The following ITPR3 variants were observed in gnomAD, a reference collection of about 807,000 sequenced individuals.
The protein encoded by ITPR3 is inositol 1,4,5-trisphosphate-gated calcium channel ITPR3.
In ITPR3, 173 loss-of-function variants were observed where a neutral mutation model predicts 293.2. The observed-to-expected ratio is 0.59, with a 90% CI of 0.52 to 0.67. The LOEUF (loss-of-function observed/expected upper bound fraction) is 0.67, where lower values mean the gene tolerates loss of function less well. Among genes scored for constraint, ITPR3 ranks in the 30% least tolerant of loss-of-function variants. ITPR3 has a pLI of 0.00. For synonymous variants in ITPR3, 1,295 were observed against 1,444.4 expected (o/e 0.90, Z 2.35); for missense variants, 2,796 against 3,592.1 (o/e 0.78, Z 5.66).
chr6:33,656,824 C>T (rs1275134448), intron 3 of ITPR3, among the ~76,000 whole-genome samples: 1 of 152,232 alleles, frequency 6.6e-6, no homozygotes, highest in Non-Finnish European at 1.5e-5. Flanking sequence ...TCCTCTAAGC[C>T]CCACGCCTAG....
intron 2 of ITPR3, among the ~76,000 whole-genome samples, chr6:33,642,684 C>A (rs375523811): frequency 6.6e-6 from 1 of 152,180 alleles, no homozygotes; most frequent in African/African-American, 2.4e-5. Flanking sequence ...CCTCCTCCCC[C>A]AGGCCCCTCA....
At position 33,664,396 on chromosome 6, in the gene ITPR3, C is replaced by G. The variant is rs1764556584; in HGVS notation, c.1149-474C>G. On this transcript the variant is annotated intron_variant, in intron 11 of 57. Transcript: ENST00000605930. This position sits in a 1 kb window ranked among gnomAD's most constrained non-coding sequence, Gnocchi z 4.4. ...TTGAGTCACTACATAGGCCCACAGT[C>G]CCTTCCCTGAAACTCTTGGGGGTAG... is the stretch of plus-strand genomic sequence containing the variant. Among the ~76,000 whole-genome samples the G allele has an allele frequency of 6.6e-6, 1 of 152,150 alleles. No individual in the cohort carries two copies. The highest frequency in any genetic ancestry group is 2.4e-5 in the African/African-American group (1 of 41,432).
At chr6:33,680,302 G>C in intron 31 of ITPR3, 27 bp from the exon 32 acceptor site, 1 of 1,603,054 alleles carries the variant, frequency 6.2e-7, no homozygotes, top group Non-Finnish European at 8.5e-7. Context: ...CCCTGCTTGC[G>C]CCCCTGACCT....
chr6:33,691,776 G>GC lies in ITPR3; in HGVS notation c.7331-23dup. 1 of 1,613,772 alleles carries GC rather than the reference G, an allele frequency of 6.2e-7. No homozygotes were observed. Among genetic ancestry groups the GC allele is most frequent in the Non-Finnish European group, 8.5e-7 (1 of 1,179,886 alleles). The stretch of plus-strand genomic sequence containing the variant: ...GGGGTAGGAGGAGCAGGCAGCCCGG[G>GC]CCTCAGCACACTCTCCGCTTGCAGA... On this transcript the variant is annotated intron_variant, in intron 53 of 57. Transcript: ENST00000605930. The surrounding 1 kb of genome is among the most constrained non-coding windows in gnomAD (Gnocchi z 4.9).
Position 33,671,172 on chromosome 6 carries a change from G to T in ITPR3, c.2594G>T (p.Ser865Ile), listed in dbSNP as rs199987334. ...EKNKLTFEVV[S>I]LAHNLIYFGF... ...GCCACGCCCCCTTCGCAGGTGGTCA[G>T]CCTGGCGCACAATCTCATCTACTTC... Residue 865 changes from serine to isoleucine, a missense_variant, in exon 21 of 58, where the codon AGC becomes ATC. By Grantham distance (142) the Ser-to-Ile change is moderately radical. This residue lies in a region of ITPR3 where 955 missense variants were observed against 1,180.8 expected (regional missense o/e 0.81). Transcript: ENST00000605930. The T allele has an allele frequency of 2.1e-4, 331 of 1,613,444 alleles. No individual in the cohort carries two copies. The highest frequency in any genetic ancestry group is 2.8e-4 in the Admixed American group (17 of 60,008).
intron 17 of ITPR3, 46 bp downstream of exon 17, chr6:33,668,680 C>T (rs11963267): frequency 6.2e-7 from 1 of 1,612,552 alleles, no homozygotes; most frequent in African/African-American, 1.3e-5. Context: ...ACGCTGCTGA[C>T]CCCCAGCTGT....
Position 33,633,854 on chromosome 6 carries a change from G to T in ITPR3, c.90-6630G>T, listed in dbSNP as rs1353481900. ...GGCGGGCGCGGGGCGGGGCCGGGCC[G>T]GGCCGGGGCGGGGCCAGGGAGGCCA... On this transcript the variant is annotated intron_variant, in intron 1 of 57. Coordinates refer to ENST00000605930, the MANE Select transcript of ITPR3 (RefSeq NM_002224.4). This position sits in a 1 kb window ranked among gnomAD's most constrained non-coding sequence, Gnocchi z 5.2. 6.9e-6 allele frequency among the ~76,000 whole-genome samples: 1 copy of T among 145,600 alleles called. No individual in the cohort carries two copies. The highest frequency in any genetic ancestry group is 1.5e-5 in the Non-Finnish European group (1 of 65,628).
intron 27 of ITPR3, 126 bp from the exon 28 acceptor site, chr6:33,677,378 T>G: frequency 7.4e-7 from 1 of 1,345,330 alleles, no homozygotes. Context: ...AGGGTCTGAT[T>G]CAGCGCCTGT....
intron 1 of ITPR3, among the ~76,000 whole-genome samples, chr6:33,625,761 C>T (rs1763536610): frequency 6.6e-6 from 1 of 152,152 alleles, no homozygotes; most frequent in Non-Finnish European, 1.5e-5. Flanking sequence ...CCATGGGATT[C>T]TCTGTCTACC....
In ITPR3 at chr6:33,670,872, C is replaced by T. The variant is rs1011204592; in HGVS notation, c.2586+57C>T. 1.2e-4 allele frequency: 196 copies of T among 1,586,318 alleles called. No individual in the cohort carries two copies. Among genetic ancestry groups the T allele is most frequent in the Non-Finnish European group, 1.6e-4 (190 of 1,166,590 alleles). On this transcript the variant is annotated intron_variant, in intron 20 of 57. Transcript: ENST00000605930. The surrounding 1 kb of genome is among the most constrained non-coding windows in gnomAD (Gnocchi z 6.7). ...CCGTGGAGCTCTTGTTGGCCCCACA[C>T]TGGCCTCGGTCTTCACCCAGGAGTC...
Position 33,655,657 on chromosome 6 carries a change from GGGGTGGGGAA to G in ITPR3, c.161-104_161-95del, listed in dbSNP as rs2127257682. 2 of 1,425,280 alleles carry G rather than the reference GGGGTGGGGAA, an allele frequency of 1.4e-6. No homozygotes were observed. The highest frequency in any genetic ancestry group is 1.3e-5 in the South Asian group (1 of 79,048). 88.3% of individuals were successfully genotyped at this position (1,425,280 alleles called of 1,614,324 possible). On this transcript the variant is annotated intron_variant, in intron 2 of 57. Coordinates refer to ENST00000605930, the MANE Select transcript of ITPR3 (RefSeq NM_002224.4). This position sits in a 1 kb window ranked among gnomAD's most constrained non-coding sequence, Gnocchi z 4.9. ...TCCTCTCTACCTGCAGCGGGGAACG[GGGGTGGGGAA>G]GGGTTGGGAGAGAAGAGCTGCAGGC...
chr6:33,693,692 C>T lies in ITPR3; in HGVS notation c.7772C>T (p.Ala2591Val). The change falls in exon 56 of 58, where the codon GCC (alanine) becomes GTC (valine). Residue 2591 changes from alanine (A) to valine (V), a missense_variant. Ala to Val is a moderately conservative substitution (Grantham distance 64, BLOSUM62 0). This residue lies in a region of ITPR3 where 568 missense variants were observed against 796.1 expected (regional missense o/e 0.71). Coordinates refer to ENST00000605930, the MANE Select transcript of ITPR3 (RefSeq NM_002224.4). ...TACACGGGCCCTGAGAGCTACGTGGCCCAGATGATCAAGGTGTGAGCAGGG... is the reference window on the plus strand; with the variant it reads ...TACACGGGCCCTGAGAGCTACGTGGTCCAGATGATCAAGGTGTGAGCAGGG... ...TDYTGPESYV[A>V]QMIKNKNLDW... 1 of 1,614,116 alleles carries T rather than the reference C, an allele frequency of 6.2e-7. No individual in the cohort carries two copies. Among genetic ancestry groups the T allele is most frequent in the Non-Finnish European group, 8.5e-7 (1 of 1,179,994 alleles).
Position 33,687,343 on chromosome 6 carries a change from G to A in ITPR3, c.6177+16G>A, listed in dbSNP as rs755567780. 24 of 1,583,912 alleles carry A rather than the reference G, an allele frequency of 1.5e-5. No homozygotes were observed. The highest frequency in any genetic ancestry group is 3.3e-5 in the South Asian group (3 of 89,700). ...GGCGCTGCAGGTACCAGTTCCACCC[G>A]TGGCAACGGCCATCACCCCCCTGGC... On this transcript the variant is annotated intron_variant, in intron 45 of 57. Coordinates refer to ENST00000605930, the MANE Select transcript of ITPR3 (RefSeq NM_002224.4). This position sits in a 1 kb window ranked among gnomAD's most constrained non-coding sequence, Gnocchi z 5.3.
chr6:33,662,518 C>A lies in ITPR3; in HGVS notation c.712-10C>A. The A allele has an allele frequency of 6.3e-7, 1 of 1,576,070 alleles. No homozygotes were observed. Among genetic ancestry groups the A allele is most frequent in the Non-Finnish European group, 8.6e-7 (1 of 1,163,916 alleles). On this transcript the variant is annotated splice_polypyrimidine_tract_variant and intron_variant, in intron 7 of 57. Coordinates refer to ENST00000605930, the MANE Select transcript of ITPR3 (RefSeq NM_002224.4). ...CGCAGCCATCCTGAGCCACACCCTG[C>A]TGCCTGCAGGGAGACGTGGTGCGGC...
In ITPR3 at chr6:33,680,411, A is replaced by C. The variant is rs761142474; in HGVS notation, c.4307A>C (p.His1436Pro). The C allele has an allele frequency of 3.1e-6, 5 of 1,613,550 alleles. No homozygotes were observed. The highest frequency in any genetic ancestry group is 4.2e-6 in the Non-Finnish European group (5 of 1,180,032). The change falls in exon 32 of 58, where the codon CAC (histidine) becomes CCC (proline). Residue 1436 changes from histidine (H) to proline (P), a missense_variant. Coordinates refer to ENST00000605930, the MANE Select transcript of ITPR3 (RefSeq NM_002224.4). ...VEMKEIYTSNHIWTLFENFTL... is the reference protein window; with the variant it reads ...VEMKEIYTSNPIWTLFENFTL... ...ATGAAGGAGATCTACACCAGCAACC[A>C]CATCTGGACGCTCTTTGAGAACTTC... is the stretch of plus-strand genomic sequence containing the variant.
At chr6:33,668,152 C>T (rs1376565634) in intron 16 of ITPR3, among the ~76,000 whole-genome samples, 188 bp downstream of exon 16, 1 of 152,230 alleles carries the variant, frequency 6.6e-6, no homozygotes, top group Non-Finnish European at 1.5e-5. Context: ...TAAAATTTGG[C>T]CCACTCTGGC....
intron 2 of ITPR3, among the ~76,000 whole-genome samples, chr6:33,648,863 G>A (rs1247636585): frequency 6.6e-6 from 1 of 151,694 alleles, no homozygotes; most frequent in African/African-American, 2.4e-5. Context: ...CAAAGTACTT[G>A]GATTACAGGT....
At chr6:33,628,541 G>C (rs1763600082) in intron 1 of ITPR3, among the ~76,000 whole-genome samples, 1 of 152,246 alleles carries the variant, frequency 6.6e-6, no homozygotes, top group South Asian at 2.1e-4. Flanking sequence ...TAGGGACTGT[G>C]AGAGAAATCG....
intron 2 of ITPR3, among the ~76,000 whole-genome samples, chr6:33,652,509 G>A (rs1275045142): frequency 6.6e-6 from 1 of 152,124 alleles, no homozygotes; most frequent in Non-Finnish European, 1.5e-5. Context: ...CACCCAGGCT[G>A]GAGTGCAGTG....
Sources: allele counts gnomAD v4.1 joint callset (sites outside exome capture counted in the v4.1 genomes callset), GRCh38; gene constraint gnomAD v4.1.1; regional missense constraint gnomAD v4.1.1; non-coding constraint Gnocchi (gnomAD v3.1); transcripts MANE v1.5; gene names NCBI Gene and HGNC (gene_info 2026-07-23, HGNC 2026-07-21).